The following DCT variants were observed in gnomAD, a reference collection of about 807,000 sequenced individuals.
DCT encodes L-dopachrome tautomerase.
DCT carries 47 observed loss-of-function variants against 53.0 expected under a neutral mutation model. The ratio of observed to expected loss-of-function variants is 0.89; its 90% CI spans 0.70 to 1.13. The LOEUF (loss-of-function observed/expected upper bound fraction) is 1.13. Among genes scored for constraint, DCT ranks in the 50% most tolerant of loss-of-function variants. The probability of loss-of-function intolerance (pLI) is 0.00; values close to 1 mark genes in which losing one functional copy is unlikely to be tolerated. For synonymous variants in DCT, 244 were observed against 237.0 expected (o/e 1.03, Z -0.27); for missense variants, 669 against 637.4 (o/e 1.05, Z -0.53).
At chr13:94,443,017 C>T in intron 7 of DCT, among the ~76,000 whole-genome samples, 1 of 152,296 alleles carries the variant, frequency 6.6e-6, no homozygotes, top group East Asian at 1.9e-4. Flanking sequence ...CTAATCCCAG[C>T]CCTGCCCTCA....
At chr13:94,450,592 C>T (rs905746094) in intron 6 of DCT, among the ~76,000 whole-genome samples, 4 of 152,088 alleles carry the variant, frequency 2.6e-5, no homozygotes, top group African/African-American at 9.6e-5. Flanking sequence ...AAAAAAAAAT[C>T]GAGAGAATTA....
rs942437783 is a variant in DCT at position 94,438,857 on chromosome 13, C to T, written c.*1041G>A. On this transcript the variant is annotated 3_prime_UTR_variant, in exon 8 of 8. Coordinates refer to ENST00000377028, the MANE Select transcript of DCT (RefSeq NM_001922.5). ...GCATTCATAAGTAACTGTGAGTATT[C>T]GGCAACATTAATCAATCTAACATCA... The T allele has an allele frequency of 4.6e-5, 14 of 303,318 alleles. No individual in the cohort carries two copies. Among genetic ancestry groups the T allele is most frequent in the Non-Finnish European group, 7.8e-5 (12 of 153,128 alleles). The allele number at this position is 303,318 out of a possible 1,614,324, so 18.8% of individuals were successfully genotyped here.
chr13:94,455,298 C>A (rs1291112882), intron 6 of DCT, among the ~76,000 whole-genome samples: 1 of 151,946 alleles, frequency 6.6e-6, no homozygotes, highest in East Asian at 1.9e-4. Context: ...AGGAGGATCA[C>A]TTGAGCCCAG....
chr13:94,474,653 G>C (rs761760713), intron 1 of DCT, among the ~76,000 whole-genome samples: 3 of 152,168 alleles, frequency 2.0e-5, no homozygotes, highest in Non-Finnish European at 2.9e-5. Context: ...CCAACTGGCA[G>C]GTAAGCCTTA....
chr13:94,541,923 G>C, the DCT span, among the ~76,000 whole-genome samples: 17 of 152,314 alleles, frequency 1.1e-4, 1 homozygote, highest in African/African-American at 3.6e-4. Context: ...TCCAGAGGCA[G>C]GACCATGGAT....
the DCT span, among the ~76,000 whole-genome samples, chr13:94,496,354 C>T: frequency 4.6e-4 from 70 of 152,092 alleles, no homozygotes; most frequent in Non-Finnish European, 7.9e-4. Flanking sequence ...CCACCACACC[C>T]GGCTAATTTT....
chr13:94,451,198 A>G (rs1015588656), intron 6 of DCT, among the ~76,000 whole-genome samples: 5 of 152,202 alleles, frequency 3.3e-5, no homozygotes, highest in Admixed American at 3.3e-4. Flanking sequence ...TGTACCTGCT[A>G]TTTAAAAACT....
the DCT span, among the ~76,000 whole-genome samples, chr13:94,521,061 A>G: frequency 2.6e-5 from 4 of 152,174 alleles, no homozygotes; most frequent in Admixed American, 6.5e-5. Flanking sequence ...GTGGCTCTCA[A>G]TGAAGACACA....
the DCT span, among the ~76,000 whole-genome samples, chr13:94,497,876 ATGTGTG>A: frequency 6.9e-4 from 104 of 151,564 alleles, 1 homozygote; most frequent in Non-Finnish European, 5.6e-4. Context: ...GGTCACCTAT[ATGTGTG>A]TGTGTGTGTG....
chr13:94,546,473 G>A, the DCT span, among the ~76,000 whole-genome samples: 4 of 151,962 alleles, frequency 2.6e-5, no homozygotes, highest in African/African-American at 9.7e-5. This position sits in a 1 kb window ranked among gnomAD's most constrained non-coding sequence, Gnocchi z 4.2. Context: ...TCCTTACCAC[G>A]TTACCTAGTG....
chr13:94,481,118 T>A (rs1885423250), upstream of DCT, among the ~76,000 whole-genome samples: 1 of 152,220 alleles, frequency 6.6e-6, no homozygotes, highest in South Asian at 2.1e-4. Context: ...CCCCATGGCC[T>A]TCTCCCCATC....
At chr13:94,490,515 A>AAAAC in the DCT span, among the ~76,000 whole-genome samples, 7 of 140,348 alleles carry the variant, frequency 5.0e-5, no homozygotes, top group Admixed American at 2.1e-4. Context: ...AAAAAAAAAA[A>AAAAC]AAAAAAAAAA....
At chr13:94,445,913 C>T (rs1245795447) in intron 6 of DCT, among the ~76,000 whole-genome samples, 1 of 152,102 alleles carries the variant, frequency 6.6e-6, no homozygotes, top group African/African-American at 2.4e-5. Context: ...GGGAAGAGCC[C>T]CATTCTTCCT....
the DCT span, among the ~76,000 whole-genome samples, chr13:94,530,786 C>T: frequency 6.6e-6 from 1 of 152,070 alleles, no homozygotes. Context: ...GAAGTTCTGG[C>T]CAGGGCAATC....
chr13:94,493,543 A>G, the DCT span, among the ~76,000 whole-genome samples: 9 of 152,186 alleles, frequency 5.9e-5, no homozygotes, highest in African/African-American at 2.2e-4. Context: ...TAGGCTTGAA[A>G]TATGTGCAGT....
chr13:94,480,935 C>T (rs1208137081), upstream of DCT, among the ~76,000 whole-genome samples: 10 of 152,234 alleles, frequency 6.6e-5, no homozygotes, highest in South Asian at 2.1e-4. Context: ...TATTTTCTCA[C>T]TGTTCTGAAG....
chr13:94,479,145 G>C lies in DCT; in HGVS notation c.111C>G (p.Asn37Lys). Residue 37 changes from asparagine (N) to lysine (K), a missense_variant, in exon 1 of 8, where the codon AAC becomes AAG. Coordinates refer to ENST00000377028, the MANE Select transcript of DCT (RefSeq NM_001922.5). ...RVCMTVDSLV[N>K]KECCPRLGAE... Reference sequence around the variant, plus strand: ...CACCCAGGCGTGGGCAGCACTCCTTGTTCACTAGGCTGTCCACCGTCATGC... The same window carrying C: ...CACCCAGGCGTGGGCAGCACTCCTTCTTCACTAGGCTGTCCACCGTCATGC... The C allele has an allele frequency of 6.2e-7, 1 of 1,614,160 alleles. No homozygotes were observed. The highest frequency in any genetic ancestry group is 8.5e-7 in the Non-Finnish European group (1 of 1,180,016).
the DCT span, among the ~76,000 whole-genome samples, chr13:94,541,433 G>A: frequency 6.6e-6 from 1 of 151,880 alleles, no homozygotes; most frequent in African/African-American, 2.4e-5. Context: ...GAACCCAAGA[G>A]GCAGAGGTTG....
chr13:94,537,590 A>T, the DCT span, among the ~76,000 whole-genome samples: 1 of 152,184 alleles, frequency 6.6e-6, no homozygotes. Flanking sequence ...GTTGAAGAAG[A>T]TGTAGAGCCT....
Sources: allele counts gnomAD v4.1 joint callset (sites outside exome capture counted in the v4.1 genomes callset), GRCh38; gene constraint gnomAD v4.1.1; non-coding constraint Gnocchi (gnomAD v3.1); transcripts MANE v1.5; gene names NCBI Gene and HGNC (gene_info 2026-07-23, HGNC 2026-07-21).